SUGP2: variants seen among roughly 807,000 people sequenced by gnomAD.
SUGP2 encodes SURP and G-patch domain containing 2, also known as SURP and G-patch domain-containing protein 2.
A neutral mutation model predicts 90.5 loss-of-function variants in SUGP2; 24 were observed. The ratio of observed to expected loss-of-function variants is 0.27; its 90% confidence interval spans 0.19 to 0.37. The LOEUF is 0.37. Among genes scored for constraint, SUGP2 ranks in the 10% least tolerant of loss-of-function variants. The probability of loss-of-function intolerance (pLI) is 1.00; values close to 1 mark genes in which losing one functional copy is unlikely to be tolerated. For synonymous variants in SUGP2, 473 were observed against 513.4 expected, an observed-to-expected ratio of 0.92 and a Z score of 1.06; for missense variants, 1,233 against 1,363.3, an observed-to-expected ratio of 0.90 and a Z score of 1.51.
chr19:19,019,179 C>G lies in SUGP2; in HGVS notation c.1780G>C (p.Val594Leu). ...AGGCTGCCTTCGATGACACGTTTCA[C>G]AAGCTGGTCGATGGTGCCCACTACC... ...HRVVGTIDQL[V>L]KRVIEGSLSP... The change falls in exon 4 of 11, where the codon GTG becomes CTG. Residue 594 changes from valine to leucine, a missense_variant. Physicochemically the swap from Val to Leu is conservative, Grantham distance 32 (BLOSUM62 1). Coordinates refer to ENST00000452918, the MANE Select transcript of SUGP2 (RefSeq NM_001017392.5). 6.2e-7 allele frequency: 1 copy of G among 1,614,174 alleles called. No homozygotes were observed. Among genetic ancestry groups the G allele is most frequent in the Non-Finnish European group, 8.5e-7 (1 of 1,180,010 alleles).
chr19:19,013,424 C>T (rs142738950), intron 4 of SUGP2, among the ~76,000 whole-genome samples: 30 of 152,284 alleles, frequency 2.0e-4, no homozygotes, highest in African/African-American at 6.7e-4. Context: ...GCTTCTTTCT[C>T]TCTATAGTAG....
At position 18,994,468 on chromosome 19, in the gene SUGP2, C is replaced by T. The variant is rs1438043643; in HGVS notation, c.3147G>A (p.Gly1049=). The change falls in exon 10 of 11, where the codon GGG becomes GGA. Residue 1049 remains glycine, a synonymous_variant. Transcript: ENST00000452918. ...CCTGCCCGTCAGCACCCAACCCTTC[C>T]CCTTCCGAGGGGGTTCCCCTAGGGA... is the stretch of plus-strand genomic sequence containing the variant. The part of the protein sequence containing the change: ...EPVSVGTPSE[G]EGLGADGQEH... The T allele has an allele frequency of 6.2e-7, 1 of 1,614,196 alleles. No homozygotes were observed. Among genetic ancestry groups the T allele is most frequent in the Middle Eastern group, 1.6e-4 (1 of 6,062 alleles).
At chr19:19,023,846 G>A (rs1050227271) in intron 3 of SUGP2, among the ~76,000 whole-genome samples, 3 of 151,938 alleles carry the variant, frequency 2.0e-5, no homozygotes, top group African/African-American at 7.3e-5. Context: ...GTGAGCCATG[G>A]TCATGCCACT....
At chr19:18,994,343 T>G in intron 10 of SUGP2, 23 bp downstream of exon 10, 1 of 1,612,836 alleles carries the variant, frequency 6.2e-7, no homozygotes, top group Non-Finnish European at 8.5e-7. Flanking sequence ...CAGACGGCCT[T>G]ACACACTGGC....
At position 19,026,021 on chromosome 19, in the gene SUGP2, C is replaced by T. The variant is rs146937897; in HGVS notation, c.327G>A (p.Arg109=). 962 of 1,614,080 alleles carry T rather than the reference C, an allele frequency of 6.0e-4. 5 individuals carry two copies. Among genetic ancestry groups the T allele is most frequent in the Middle Eastern group, 5.6e-3 (34 of 6,062 alleles). ...DDSYFRKECG[R]DLEFSHSDSR... ...AATCAGAGTGAGAAAATTCCAGATC[C>T]CGGCCACATTCTTTGCGAAAGTAGC... is the stretch of plus-strand genomic sequence containing the variant. The change falls in exon 3 of 11, where the codon CGG becomes CGA. Residue 109 remains arginine (R), a synonymous_variant. Coordinates refer to ENST00000452918, the MANE Select transcript of SUGP2 (RefSeq NM_001017392.5).
chr19:19,009,160 G>A (rs2058204999), intron 5 of SUGP2, among the ~76,000 whole-genome samples: 1 of 151,998 alleles, frequency 6.6e-6, no homozygotes, highest in East Asian at 1.9e-4. Flanking sequence ...CAATCCACCC[G>A]CCTTGGCCTC....
At chr19:19,010,364 A>G in intron 4 of SUGP2, 22 bp from the exon 5 acceptor site, 1 of 1,598,232 alleles carries the variant, frequency 6.3e-7, no homozygotes, top group East Asian at 2.2e-5. Flanking sequence ...AACAAGCATA[A>G]CGGGACATTT....
chr19:19,015,593 T>A (rs1485020588), intron 4 of SUGP2, among the ~76,000 whole-genome samples: 1 of 152,122 alleles, frequency 6.6e-6, no homozygotes, highest in Non-Finnish European at 1.5e-5. Flanking sequence ...AACCTCTGCC[T>A]CCCGGGTTCA....
At chr19:19,026,264 A>G in intron 2 of SUGP2, 38 bp from the exon 3 acceptor site, 1 of 1,473,842 alleles carries the variant, frequency 6.8e-7, no homozygotes, top group Non-Finnish European at 8.9e-7. Context: ...AGAAGAAGCC[A>G]AAAGATACTT....
In SUGP2 at chr19:19,008,746, A is replaced by G. The variant is rs542399041; in HGVS notation, c.2339-318T>C. On this transcript the variant is annotated intron_variant, in intron 5 of 10. Coordinates refer to ENST00000452918, the MANE Select transcript of SUGP2 (RefSeq NM_001017392.5). Reference sequence around the variant, plus strand: ...AGCCCCAACCCCAATTGCCAGGTGAACAAACATGGGCTGGCTGCTGGGGGG... The same window carrying G: ...AGCCCCAACCCCAATTGCCAGGTGAGCAAACATGGGCTGGCTGCTGGGGGG... 1.1e-4 allele frequency among the ~76,000 whole-genome samples: 17 copies of G among 152,312 alleles called. No individual in the cohort carries two copies. The South Asian group carries it at 3.5e-3, about 32-fold the overall frequency.
intron 2 of SUGP2, among the ~76,000 whole-genome samples, chr19:19,029,913 AGCCTG>A (rs1475029016): frequency 6.6e-6 from 1 of 151,528 alleles, no homozygotes; most frequent in Non-Finnish European, 1.5e-5. Flanking sequence ...ACTGCACTCC[AGCCTG>A]GGCGACAGTA....
intron 2 of SUGP2, 90 bp downstream of exon 2, chr19:19,030,861 T>A: frequency 7.2e-7 from 1 of 1,393,526 alleles, no homozygotes; most frequent in South Asian, 1.4e-5. Flanking sequence ...GGACTGGTAT[T>A]ATTTGCCCAA....
chr19:19,024,990 C>T lies in SUGP2; in HGVS notation c.1358G>A (p.Ser453Asn). 1.2e-6 allele frequency: 2 copies of T among 1,614,196 alleles called. No individual in the cohort carries two copies. Among genetic ancestry groups the T allele is most frequent in the Non-Finnish European group, 1.7e-6 (2 of 1,180,034 alleles). Residue 453 changes from serine to asparagine, a missense_variant, in exon 3 of 11, where the codon AGT (serine) becomes AAT (asparagine). Physicochemically the swap from Ser to Asn is conservative, Grantham distance 46 (BLOSUM62 1). Transcript: ENST00000452918. Reference protein sequence around the residue: ...LLMACNAYELSVKMKTLSNPL... With the variant: ...LLMACNAYELNVKMKTLSNPL... ...GTTACTGAGGGTCTTCATCTTGACACTTAGCTCGTAGGCATTGCAGGCCAT... is the reference window on the plus strand; with the variant it reads ...GTTACTGAGGGTCTTCATCTTGACATTTAGCTCGTAGGCATTGCAGGCCAT...
intron 3 of SUGP2, among the ~76,000 whole-genome samples, chr19:19,021,555 G>A (rs573845595): frequency 3.3e-5 from 5 of 152,224 alleles, no homozygotes; most frequent in Admixed American, 2.6e-4. Context: ...CAGAAAGTGG[G>A]TCACAGCTTT....
chr19:19,021,075 C>T (rs1309554459), intron 3 of SUGP2, among the ~76,000 whole-genome samples: 1 of 138,586 alleles, frequency 7.2e-6, no homozygotes, highest in African/African-American at 2.7e-5. Flanking sequence ...AGGAGAATCG[C>T]TTGAACCTGG....
At position 18,992,243 on chromosome 19, in the gene SUGP2, G is replaced by C. The variant is rs2057393276; in HGVS notation, c.*1498C>G. ...TTTTTTGCATTTTTAGTAGAGACAG[G>C]GTTTCACCATGTTGGCCAGGATGGT... On this transcript the variant is annotated 3_prime_UTR_variant, in exon 11 of 11. Coordinates refer to ENST00000452918, the MANE Select transcript of SUGP2 (RefSeq NM_001017392.5). 1.3e-5 allele frequency: 2 copies of C among 151,564 alleles called. No individual in the cohort carries two copies. Among genetic ancestry groups the C allele is most frequent in the Admixed American group, 1.3e-4 (2 of 15,162 alleles). The allele number at this position is 151,564 out of a possible 1,614,324, so 9.4% of individuals were successfully genotyped here.
intron 3 of SUGP2, among the ~76,000 whole-genome samples, chr19:19,023,016 T>C (rs2058787693): frequency 6.6e-6 from 1 of 152,230 alleles, no homozygotes; most frequent in South Asian, 2.1e-4. Context: ...GAGTCCATTC[T>C]GGGAGCTTAG....
chr19:19,011,958 G>T, intron 4 of SUGP2, among the ~76,000 whole-genome samples: 1 of 152,352 alleles, frequency 6.6e-6, no homozygotes, highest in East Asian at 1.9e-4. Context: ...GTGGCTTTCA[G>T]ATTGTTTGAT....
In SUGP2 at chr19:19,025,314, A is replaced by G; in HGVS notation, c.1034T>C (p.Ile345Thr). ...WAGFHTIKDDIKFSQLFQTLF... is the reference protein window; with the variant it reads ...WAGFHTIKDDTKFSQLFQTLF... ...AGTCTGGAAAAGTTGGGAAAATTTA[A>G]TATCATCTTTTATGGTGTGGAATCC... is the stretch of plus-strand genomic sequence containing the variant. Residue 345 changes from isoleucine (I) to threonine (T), a missense_variant, in exon 3 of 11, where the codon ATT (isoleucine) becomes ACT (threonine). Ile to Thr is a moderately conservative substitution (Grantham distance 89). Coordinates refer to ENST00000452918, the MANE Select transcript of SUGP2 (RefSeq NM_001017392.5). 8 of 1,613,424 alleles carry G rather than the reference A, an allele frequency of 5.0e-6. No homozygotes were observed. The highest frequency in any genetic ancestry group is 1.1e-5 in the South Asian group (1 of 90,864).
Sources: gnomAD v4.1 joint callset for allele counts (sites outside exome capture counted in the v4.1 genomes callset) on GRCh38, gnomAD v4.1.1 for gene constraint, MANE v1.5 for transcripts, NCBI Gene and HGNC (gene_info 2026-07-23, HGNC 2026-07-21) for gene names.